The following PDE9A variants were observed in gnomAD, a reference collection of about 807,000 sequenced individuals.
PDE9A encodes phosphodiesterase 9A.
PDE9A carries 60 observed loss-of-function variants against 87.4 expected under a neutral mutation model. The ratio of observed to expected loss-of-function variants is 0.69; its 90% CI spans 0.56 to 0.85. PDE9A has a LOEUF of 0.85. Ranked by LOEUF, PDE9A falls within the 40% of genes least tolerant of loss-of-function variation. The pLI, the probability that PDE9A is intolerant of heterozygous loss-of-function variation, is 0.00. For synonymous variants in PDE9A, 272 were observed against 279.4 expected, an observed-to-expected ratio of 0.97 and a Z score of 0.27; for missense variants, 665 against 779.0, an observed-to-expected ratio of 0.85 and a Z score of 1.74.
intron 1 of PDE9A, among the ~76,000 whole-genome samples, chr21:42,670,180 TACAC>T (rs1569115870): frequency 2.3e-5 from 3 of 132,782 alleles, no homozygotes; most frequent in African/African-American, 9.5e-5. Flanking sequence ...CACGCACACA[TACAC>T]TTACACACAT....
chr21:42,774,242 G>A lies in PDE9A; in HGVS notation c.1769-1038G>A, dbSNP rs571139642. 2.6e-5 allele frequency among the ~76,000 whole-genome samples: 4 copies of A among 152,280 alleles called. No homozygotes were observed. The East Asian group carries it at 7.7e-4, about 29-fold the overall frequency. On this transcript the variant is annotated intron_variant, in intron 19 of 19. Coordinates refer to ENST00000291539, the MANE Select transcript of PDE9A (RefSeq NM_002606.3). Reference sequence around the variant, plus strand: ...TGCAAGGCTCAGGGCAGGACAAACGGGACATGGCTCATAAGAGGAGCTGCA... The same window carrying A: ...TGCAAGGCTCAGGGCAGGACAAACGAGACATGGCTCATAAGAGGAGCTGCA...
intron 4 of PDE9A, among the ~76,000 whole-genome samples, chr21:42,715,840 A>G (rs2049861899): frequency 6.6e-6 from 1 of 151,436 alleles, no homozygotes; most frequent in Non-Finnish European, 1.5e-5. Flanking sequence ...CAAATATATG[A>G]TGACCTGTGT....
At chr21:42,773,597 C>T (rs1049152176) in intron 19 of PDE9A, among the ~76,000 whole-genome samples, 3 of 151,538 alleles carry the variant, frequency 2.0e-5, no homozygotes, top group Non-Finnish European at 4.4e-5. Context: ...ACGAGGAGAT[C>T]GAGACCATCC....
In PDE9A at chr21:42,723,237, C is replaced by T. The variant is rs569956802; in HGVS notation, c.263-8533C>T. Among the ~76,000 whole-genome samples the T allele has an allele frequency of 2.0e-5, 3 of 152,354 alleles. No homozygotes were observed. The highest frequency in any genetic ancestry group is 1.9e-4 in the East Asian group (1 of 5,182). On this transcript the variant is annotated intron_variant, in intron 4 of 19. Transcript: ENST00000291539. This position sits in a 1 kb window ranked among gnomAD's most constrained non-coding sequence, Gnocchi z 4.3. The stretch of plus-strand genomic sequence containing the variant: ...CCCATGGCCCAAAGCGGACCTGATC[C>T]GGCAGCATCTAAAAACAGGACCCGG...
At position 42,716,386 on chromosome 21, in the gene PDE9A, C is replaced by A. The variant is rs908075157; in HGVS notation, c.263-15384C>A. ...AGCATTCCTGCCGCTCCACATCCTC[C>A]CCAGCTTTTGTGTTTCAGTGTCTTG... On this transcript the variant is annotated intron_variant, in intron 4 of 19. Coordinates refer to ENST00000291539, the MANE Select transcript of PDE9A (RefSeq NM_002606.3). Among the ~76,000 whole-genome samples, 3 of 151,760 alleles carry A rather than the reference C, an allele frequency of 2.0e-5. 1 individual carries two copies. The highest frequency in any genetic ancestry group is 4.4e-5 in the Non-Finnish European group (3 of 67,898).
rs569997539 is a variant in PDE9A at position 42,705,396 on chromosome 21, G to C, written c.262+6385G>C. Among the ~76,000 whole-genome samples, 2 of 152,258 alleles carry C rather than the reference G, an allele frequency of 1.3e-5. No individual in the cohort carries two copies. The highest frequency in any genetic ancestry group is 4.1e-4 in the South Asian group (2 of 4,824). On this transcript the variant is annotated intron_variant, in intron 4 of 19. Transcript: ENST00000291539. This position sits in a 1 kb window ranked among gnomAD's most constrained non-coding sequence, Gnocchi z 4.3. Reference sequence around the variant, plus strand: ...GTTGTTTTCCAGATTATAAAACACAGATCTCAGCTGATGGCGGTTGACGGG... The same window carrying C: ...GTTGTTTTCCAGATTATAAAACACACATCTCAGCTGATGGCGGTTGACGGG...
intron 3 of PDE9A, chr21:42,697,525 C>G (rs202198936): frequency 7.9e-7 from 1 of 1,265,546 alleles, no homozygotes; most frequent in African/African-American, 1.5e-5. Context: ...ATCTTCTTAA[C>G]AACTACCTGA....
chr21:42,727,017 ATTG>A (rs1188948694), intron 4 of PDE9A, among the ~76,000 whole-genome samples: 1 of 141,104 alleles, frequency 7.1e-6, no homozygotes, highest in Non-Finnish European at 1.5e-5. Context: ...GTTTTTCAAA[ATTG>A]TTTTTATTCT....
In PDE9A at chr21:42,704,226, G is replaced by T. The variant is rs998692229; in HGVS notation, c.262+5215G>T. 6.6e-5 allele frequency among the ~76,000 whole-genome samples: 10 copies of T among 152,324 alleles called. No homozygotes were observed. Among genetic ancestry groups the T allele is most frequent in the African/African-American group, 2.2e-4 (9 of 41,582 alleles). ...CGAGGAGCGCTGCGCTTATTCCGCA[G>T]TGAGGAGTCGCTGGCTGTCCAGGGG... On this transcript the variant is annotated intron_variant, in intron 4 of 19. Transcript: ENST00000291539. This position sits in a 1 kb window ranked among gnomAD's most constrained non-coding sequence, Gnocchi z 5.3.
At chr21:42,743,171 C>A (rs1280819792) in intron 7 of PDE9A, among the ~76,000 whole-genome samples, 2 of 152,166 alleles carry the variant, frequency 1.3e-5, no homozygotes. Flanking sequence ...CATAATTTGG[C>A]CAAGGCAGTT....
At chr21:42,756,447 C>T (rs1371918922) in intron 10 of PDE9A, among the ~76,000 whole-genome samples, 1 of 152,238 alleles carries the variant, frequency 6.6e-6, no homozygotes, top group Non-Finnish European at 1.5e-5. Flanking sequence ...AGCAGGGGCG[C>T]CCCCACTTTT....
At chr21:42,685,107 T>C (rs1209707579) in intron 1 of PDE9A, among the ~76,000 whole-genome samples, 1 of 152,220 alleles carries the variant, frequency 6.6e-6, no homozygotes, top group Non-Finnish European at 1.5e-5. Flanking sequence ...CCGGGGAAAC[T>C]GTCCAGGGAG....
In PDE9A at chr21:42,760,321, C is replaced by A; in HGVS notation, c.898-7C>A. 1 of 1,576,408 alleles carries A rather than the reference C, an allele frequency of 6.3e-7. No homozygotes were observed. Among genetic ancestry groups the A allele is most frequent in the Non-Finnish European group, 8.7e-7 (1 of 1,150,140 alleles). ...ACAGGGTGACTCGGACCCCCTGCCT[C>A]CCGCAGTTCTGCGTCCACGACAACT... On this transcript the variant is annotated splice_region_variant and splice_polypyrimidine_tract_variant and intron_variant, in intron 11 of 19. Coordinates refer to ENST00000291539, the MANE Select transcript of PDE9A (RefSeq NM_002606.3). This position sits in a 1 kb window ranked among gnomAD's most constrained non-coding sequence, Gnocchi z 5.2.
At chr21:42,714,210 G>T (rs1484963711) in intron 4 of PDE9A, among the ~76,000 whole-genome samples, 2 of 151,742 alleles carry the variant, frequency 1.3e-5, no homozygotes, top group African/African-American at 4.8e-5. Flanking sequence ...GTAGAGATGG[G>T]GTTTCACTGC....
chr21:42,708,141 A>G (rs1359589941), intron 4 of PDE9A, among the ~76,000 whole-genome samples: 2 of 152,352 alleles, frequency 1.3e-5, no homozygotes, highest in Non-Finnish European at 2.9e-5. Flanking sequence ...AGGCTTTATA[A>G]GCAAAGCCAC....
At chr21:42,680,040 G>A (rs1316635487) in intron 1 of PDE9A, among the ~76,000 whole-genome samples, 1 of 152,184 alleles carries the variant, frequency 6.6e-6, no homozygotes, top group African/African-American at 2.4e-5. Flanking sequence ...CAGGACCTGG[G>A]GTGCCAGGAG....
intron 3 of PDE9A, among the ~76,000 whole-genome samples, chr21:42,698,720 G>A (rs1324755711): frequency 6.6e-6 from 1 of 152,146 alleles, no homozygotes; most frequent in Non-Finnish European, 1.5e-5. Context: ...TAGTACCCAT[G>A]ACAACATTTA....
intron 7 of PDE9A, among the ~76,000 whole-genome samples, chr21:42,735,137 A>G (rs1267389559): frequency 6.6e-6 from 1 of 152,200 alleles, no homozygotes; most frequent in Non-Finnish European, 1.5e-5. Context: ...AGCAGCAACA[A>G]TTCCCCAAAT....
intron 17 of PDE9A, among the ~76,000 whole-genome samples, chr21:42,770,263 C>T (rs897451217): frequency 6.6e-5 from 10 of 152,162 alleles, no homozygotes; most frequent in African/African-American, 2.4e-4. Context: ...ATCTCTTGTT[C>T]CCCCCGGGGA....
Sources: allele counts gnomAD v4.1 joint callset (sites outside exome capture counted in the v4.1 genomes callset), GRCh38; gene constraint gnomAD v4.1.1; non-coding constraint Gnocchi (gnomAD v3.1); transcripts MANE v1.5; gene names NCBI Gene and HGNC (gene_info 2026-07-23, HGNC 2026-07-21).